The following CCNA1 variants were observed in gnomAD, a reference collection of about 807,000 sequenced individuals.
The protein encoded by CCNA1 is cyclin-A1.
CCNA1 carries 23 observed loss-of-function variants against 54.1 expected under a neutral mutation model. The observed-to-expected ratio is 0.42, with a 90% CI of 0.31 to 0.60. The LOEUF is 0.60. Ranked by LOEUF, CCNA1 falls within the 20% of genes least tolerant of loss-of-function variation. The pLI is 0.14. For missense variants in CCNA1, 450 were observed against 556.7 expected (o/e 0.81, Z 1.93); for synonymous variants, 208 against 213.9 (o/e 0.97, Z 0.24).
At chr13:36,442,495 A>G in intron 8 of CCNA1, 119 bp from the exon 9 acceptor site, 3 of 1,132,822 alleles carry the variant, frequency 2.6e-6, no homozygotes, top group Non-Finnish European at 3.9e-6. Flanking sequence ...TAATACTTGT[A>G]GTCAGCCAGC....
upstream of CCNA1, chr13:36,432,279 G>T: frequency 4.0e-6 from 1 of 251,104 alleles, no homozygotes; most frequent in Non-Finnish European, 7.5e-6. Context: ...TTCAACAGAC[G>T]CGGGTGGGCA....
rs1178698569 is a variant in CCNA1 at position 36,437,866 on chromosome 13, T to G, written c.535T>G (p.Phe179Val). 2.5e-6 allele frequency: 4 copies of G among 1,613,446 alleles called. No individual in the cohort carries two copies. The South Asian group carries it at 4.4e-5, about 18-fold the overall frequency. ...GTCAGACCTGCACTTCCTGCTGGAT[T>G]TCAACACAGGTAACTGACTTGCCTA... The change falls in exon 3 of 9, where the codon TTC (phenylalanine) becomes GTC (valine). Residue 179 changes from phenylalanine (F) to valine (V), a missense_variant. Physicochemically the swap from Phe to Val is conservative, Grantham distance 50 (BLOSUM62 -1). This residue lies in a region of CCNA1 where 103 missense variants were observed against 92.9 expected (regional missense o/e 1.11). Coordinates refer to ENST00000255465, the MANE Select transcript of CCNA1 (RefSeq NM_003914.4).
intron 2 of CCNA1, among the ~76,000 whole-genome samples, chr13:36,437,168 C>T (rs2055814892): frequency 6.6e-6 from 1 of 152,012 alleles, no homozygotes; most frequent in African/African-American, 2.4e-5. Context: ...AAAATGGAAA[C>T]ATTATAGGGG....
In CCNA1 at chr13:36,438,083, A is replaced by G. The variant is rs755143850; in HGVS notation, c.561A>G (p.Val187=). 2.2e-5 allele frequency: 36 copies of G among 1,613,506 alleles called. No individual in the cohort carries two copies. The Admixed American group carries it at 5.7e-4, about 25-fold the overall frequency. The change falls in exon 4 of 9, where the codon GTA becomes GTG. Residue 187 remains valine, a synonymous_variant. Transcript: ENST00000255465. ...CTCTTGCAGTTTCCCCTATGCTGGT[A>G]GATTCATCTCTCCTCTCCCAGTCTG... is the stretch of plus-strand genomic sequence containing the variant.
intron 2 of CCNA1, among the ~76,000 whole-genome samples, chr13:36,435,418 T>A (rs2055791252): frequency 6.6e-6 from 1 of 152,222 alleles, no homozygotes; most frequent in Admixed American, 6.5e-5. Flanking sequence ...CTAGTTCTTT[T>A]CCTGCTCTAT....
Position 36,442,233 on chromosome 13 carries a change from G to A in CCNA1, c.1275G>A (p.Glu425=). The A allele has an allele frequency of 2.5e-6, 4 of 1,613,902 alleles. No individual in the cohort carries two copies. Among genetic ancestry groups the A allele is most frequent in the Non-Finnish European group, 3.4e-6 (4 of 1,179,864 alleles). ...GTGAAATTGTGCCTTGCCTGAGTGA[G>A]CTTCATAAAGCGTACCTTGATATAC... Residue 425 remains glutamate (E), a synonymous_variant, in exon 8 of 9, where the codon GAG becomes GAA. Transcript: ENST00000255465.
At chr13:36,435,802 G>A (rs1214327916) in intron 2 of CCNA1, among the ~76,000 whole-genome samples, 1 of 152,074 alleles carries the variant, frequency 6.6e-6, no homozygotes, top group Non-Finnish European at 1.5e-5. Flanking sequence ...TCTCCACTTA[G>A]GTCATATAAT....
At position 36,433,193 on chromosome 13, in the gene CCNA1, A is replaced by AT; in HGVS notation, c.270dup (p.Gly91TrpfsTer34). 6.2e-7 allele frequency: 1 copy of AT among 1,613,886 alleles called. No individual in the cohort carries two copies. The highest frequency in any genetic ancestry group is 8.5e-7 in the Non-Finnish European group (1 of 1,179,898). On this transcript the variant is annotated frameshift_variant, in exon 2 of 9. Transcript: ENST00000255465. LOFTEE classifies it high-confidence loss of function. ...ACAGTGCTAGGGCTGCTAACTGCAA[A>AT]TGGGCAGTACAGGAGGACCTGTGGC... is the stretch of plus-strand genomic sequence containing the variant.
At position 36,433,107 on chromosome 13, in the gene CCNA1, A is replaced by T; in HGVS notation, c.183A>T (p.Arg61=). ...GAGTTGTGCTGGCTACAGTGGCCCG[A>T]GGTCCCGATGCTTGTCAGATACTCA... Residue 61 remains arginine, a synonymous_variant, in exon 2 of 9, where the codon CGA becomes CGT. Transcript: ENST00000255465. 6.2e-7 allele frequency: 1 copy of T among 1,614,186 alleles called. No homozygotes were observed. Among genetic ancestry groups the T allele is most frequent in the Non-Finnish European group, 8.5e-7 (1 of 1,180,022 alleles).
In CCNA1 at chr13:36,438,092, T is replaced by C; in HGVS notation, c.570T>C (p.Ser190=). The C allele has an allele frequency of 6.2e-7, 1 of 1,613,156 alleles. No homozygotes were observed. The highest frequency in any genetic ancestry group is 8.5e-7 in the Non-Finnish European group (1 of 1,179,318). Residue 190 remains serine, a synonymous_variant, in exon 4 of 9, where the codon TCT becomes TCC. Coordinates refer to ENST00000255465, the MANE Select transcript of CCNA1 (RefSeq NM_003914.4). ...TTTCCCCTATGCTGGTAGATTCATC[T>C]CTCCTCTCCCAGTCTGAAGATATAT...
intron 2 of CCNA1, among the ~76,000 whole-genome samples, chr13:36,433,781 C>A (rs1178385753): frequency 6.6e-6 from 1 of 151,952 alleles, no homozygotes; most frequent in Non-Finnish European, 1.5e-5. Flanking sequence ...CCTCAGGTGA[C>A]CCGCCCACCT....
chr13:36,440,174 C>T lies in CCNA1; in HGVS notation c.1089C>T (p.Asn363=). 6.2e-7 allele frequency: 1 copy of T among 1,613,902 alleles called. No individual in the cohort carries two copies. The highest frequency in any genetic ancestry group is 8.5e-7 in the Non-Finnish European group (1 of 1,179,808). ...AAGGAGTGTGCGTCAGGACTGAGAA[C>T]CTGGCTAAGGTGTGTATGCCGCGTG... is the stretch of plus-strand genomic sequence containing the variant. Residue 363 remains asparagine (N), a synonymous_variant, in exon 6 of 9, where the codon AAC becomes AAT. Transcript: ENST00000255465.
At chr13:36,439,609 C>T (rs959233567) in intron 5 of CCNA1, among the ~76,000 whole-genome samples, 2 of 152,186 alleles carry the variant, frequency 1.3e-5, no homozygotes, top group African/African-American at 4.8e-5. Flanking sequence ...GTTTCTATCA[C>T]TGTGTTGATC....
In CCNA1 at chr13:36,438,051, T is replaced by C; in HGVS notation, c.545-16T>C. ...TTAAATTAAATGAGTTATCTGACAG[T>C]GTTGAACTCTTGCAGTTTCCCCTAT... is the stretch of plus-strand genomic sequence containing the variant. On this transcript the variant is annotated splice_polypyrimidine_tract_variant and intron_variant, in intron 3 of 8. Coordinates refer to ENST00000255465, the MANE Select transcript of CCNA1 (RefSeq NM_003914.4). 1 of 1,610,580 alleles carries C rather than the reference T, an allele frequency of 6.2e-7. No individual in the cohort carries two copies. The highest frequency in any genetic ancestry group is 8.5e-7 in the Non-Finnish European group (1 of 1,178,772).
At chr13:36,439,355 C>T (rs1273254421) in intron 5 of CCNA1, among the ~76,000 whole-genome samples, 1 of 152,166 alleles carries the variant, frequency 6.6e-6, no homozygotes, top group Non-Finnish European at 1.5e-5. Context: ...TGTGGCTGAG[C>T]TACCTTTAAG....
chr13:36,442,215 T>C lies in CCNA1; in HGVS notation c.1257T>C (p.Ile419=), dbSNP rs2055883966. 1 of 1,613,908 alleles carries C rather than the reference T, an allele frequency of 6.2e-7. No individual in the cohort carries two copies. Among genetic ancestry groups the C allele is most frequent in the Non-Finnish European group, 8.5e-7 (1 of 1,179,914 alleles). Reference sequence around the variant, plus strand: ...TTACAGGGTATTCATTAAGTGAAATTGTGCCTTGCCTGAGTGAGCTTCATA... The same window carrying C: ...TTACAGGGTATTCATTAAGTGAAATCGTGCCTTGCCTGAGTGAGCTTCATA... Residue 419 remains isoleucine, a synonymous_variant, in exon 8 of 9, where the codon ATT becomes ATC. Coordinates refer to ENST00000255465, the MANE Select transcript of CCNA1 (RefSeq NM_003914.4).
At chr13:36,432,315 C>A (rs1353462499), upstream of CCNA1, 12 of 338,672 alleles carry the variant, frequency 3.5e-5, no homozygotes, top group Non-Finnish European at 6.4e-5. Context: ...TAAGCCCGGC[C>A]GCCTCCCAGG....
Position 36,441,377 on chromosome 13 carries a change from T to C in CCNA1, c.1212+146T>C, listed in dbSNP as rs145209094. The C allele has an allele frequency of 1.6e-3, 935 of 569,756 alleles. 8 individuals are homozygous for C. Among genetic ancestry groups the C allele is most frequent in the African/African-American group, 0.015 (820 of 53,146 alleles). 35.3% of individuals were successfully genotyped at this position (569,756 alleles called of 1,614,324 possible). A position where few individuals can be genotyped will look rare whatever the true frequency, so the allele number is the denominator to read the frequency against. ...ACTGAGTCTTCCAGGTCAGTCATGA[T>C]GGCTTTGACTCAATGGCTTCACTCT... On this transcript the variant is annotated intron_variant, in intron 7 of 8. Transcript: ENST00000255465.
At chr13:36,434,104 C>A (rs192823334) in intron 2 of CCNA1, among the ~76,000 whole-genome samples, 3 of 152,270 alleles carry the variant, frequency 2.0e-5, no homozygotes, top group Admixed American at 6.5e-5. Flanking sequence ...TGGCTGTGTT[C>A]ATTGCGGATA....
Sources: gnomAD v4.1 joint callset for allele counts (sites outside exome capture counted in the v4.1 genomes callset) on GRCh38, gnomAD v4.1.1 for gene constraint, gnomAD v4.1.1 regional missense constraint, MANE v1.5 for transcripts, NCBI Gene and HGNC (gene_info 2026-07-23, HGNC 2026-07-21) for gene names.